Variants in MISP observed in about 807,000 individuals in gnomAD.
MISP encodes the protein mitotic spindle positioning.
In MISP, 51 loss-of-function variants were observed where a neutral mutation model predicts 49.3. That is an observed-to-expected ratio of 1.03 (90% CI 0.83 to 1.31). The LOEUF is 1.31. Ranked by LOEUF, MISP falls within the 50% of genes most tolerant of loss-of-function variation. The probability of loss-of-function intolerance (pLI) is 0.00; values close to 1 mark genes in which losing one functional copy is unlikely to be tolerated. For missense variants in MISP, 1,084 were observed against 935.1 expected (o/e 1.16, Z -2.08); for synonymous variants, 444 against 392.6 (o/e 1.13, Z -1.55).
At chr19:759,836 G>A in intron 2 of MISP, 73 bp from the exon 3 acceptor site, 1 of 1,567,960 alleles carries the variant, frequency 6.4e-7, no homozygotes, top group Non-Finnish European at 8.7e-7. Context: ...CTTAGCTGCT[G>A]GCTAGAGACT....
At chr19:762,370 A>G (rs1489716098) in intron 4 of MISP, among the ~76,000 whole-genome samples, 2 of 151,872 alleles carry the variant, frequency 1.3e-5, no homozygotes, top group Non-Finnish European at 2.9e-5. Flanking sequence ...CTCCTGCCTC[A>G]GCCTCCCAAG....
chr19:759,399 GTTT>G (rs35949810), intron 2 of MISP, among the ~76,000 whole-genome samples: 16 of 97,180 alleles, frequency 1.6e-4, no homozygotes, highest in African/African-American at 3.0e-4. Flanking sequence ...CACTTTTAAT[GTTT>G]TTTTTTTTTT....
rs1352512240 is a variant in MISP, at chr19:763,212, G to T, written c.1951-289G>T. On this transcript the variant is annotated intron_variant, in intron 4 of 4. Transcript: ENST00000215582. ...GAATGGTGTGAACCTGGGAGGCAGA[G>T]CTTGCAGTGAGCCAAGATCGCGCCA... Among the ~76,000 whole-genome samples, 3 of 152,216 alleles carry T rather than the reference G, an allele frequency of 2.0e-5. No individual in the cohort carries two copies. The East Asian group carries it at 5.8e-4, about 29-fold the overall frequency.
At chr19:755,995 A>C (rs1045104725) in intron 1 of MISP, among the ~76,000 whole-genome samples, 1 of 152,088 alleles carries the variant, frequency 6.6e-6, no homozygotes, top group Non-Finnish European at 1.5e-5. Context: ...CTGGGAGATA[A>C]GGTGGGCAGG....
chr19:758,783 G>T, intron 2 of MISP, 57 bp downstream of exon 2: 2 of 1,442,034 alleles, frequency 1.4e-6, no homozygotes, highest in Non-Finnish European at 1.9e-6. Context: ...GGTTGGAGCA[G>T]GGGAGGGTGG....
At chr19:761,993 G>A (rs936670102) in intron 4 of MISP, among the ~76,000 whole-genome samples, 1 of 152,048 alleles carries the variant, frequency 6.6e-6, no homozygotes, top group African/African-American at 2.4e-5. Context: ...TGTCGCCCAG[G>A]CTGGAGTGCA....
In MISP at chr19:757,702, G is replaced by A. The variant is rs2033584157; in HGVS notation, c.756G>A (p.Lys252=). ...GHVVPIKPQV[K]GVVREENKVR... is the part of the protein sequence containing the mutation. ...TGGTTCCCATCAAGCCCCAGGTGAAGGGGGTGGTCAGGGAAGAGAACAAGG... is the reference window on the plus strand; with the variant it reads ...TGGTTCCCATCAAGCCCCAGGTGAAAGGGGTGGTCAGGGAAGAGAACAAGG... Residue 252 remains lysine (K), a synonymous_variant, in exon 2 of 5, where the codon AAG becomes AAA. Transcript: ENST00000215582. 1 of 1,613,778 alleles carries A rather than the reference G, an allele frequency of 6.2e-7. No homozygotes were observed. The highest frequency in any genetic ancestry group is 1.1e-5 in the South Asian group (1 of 91,092).
At chr19:759,859 C>T in intron 2 of MISP, 50 bp from the exon 3 acceptor site, 1 of 1,607,424 alleles carries the variant, frequency 6.2e-7, no homozygotes, top group Non-Finnish European at 8.5e-7. Context: ...GTCTCCCGAG[C>T]AGAGGTCTGA....
In MISP at chr19:763,605, C is replaced by T. The variant is rs143490547; in HGVS notation, c.*15C>T. 32 of 1,586,928 alleles carry T rather than the reference C, an allele frequency of 2.0e-5. No individual in the cohort carries two copies. The highest frequency in any genetic ancestry group is 1.8e-4 in the Admixed American group (11 of 59,808). ...AGGATGACTGAGCCTCGGGATGGGGCGCCCACCCCCTGCCCTGCCCTGACC... is the reference window on the plus strand; with the variant it reads ...AGGATGACTGAGCCTCGGGATGGGGTGCCCACCCCCTGCCCTGCCCTGACC... On this transcript the variant is annotated 3_prime_UTR_variant, in exon 5 of 5. Transcript: ENST00000215582.
At chr19:750,802 G>C (rs2033449358), upstream of MISP, among the ~76,000 whole-genome samples, 1 of 152,182 alleles carries the variant, frequency 6.6e-6, no homozygotes, top group Non-Finnish European at 1.5e-5. Context: ...CTGAGCTGCT[G>C]TGTGGCCCTG....
chr19:762,899 T>A (rs940408095), intron 4 of MISP, among the ~76,000 whole-genome samples: 2 of 152,146 alleles, frequency 1.3e-5, no homozygotes, highest in African/African-American at 4.8e-5. Flanking sequence ...CTCGAATTCC[T>A]GCATTCAAGG....
In MISP at chr19:757,075, G is replaced by T. The variant is rs750284239; in HGVS notation, c.129G>T (p.Trp43Cys). ...GCATGGGCCCCGAGGCCAGCGGCTGGGGCCAGGATGAGCCGCAGACATGGC... is the reference window on the plus strand; with the variant it reads ...GCATGGGCCCCGAGGCCAGCGGCTGTGGCCAGGATGAGCCGCAGACATGGC... ...LVCMGPEASG[W>C]GQDEPQTWPT... is the part of the protein sequence containing the mutation. The change falls in exon 2 of 5, where the codon TGG (tryptophan) becomes TGT (cysteine). Residue 43 changes from tryptophan to cysteine, a missense_variant. By Grantham distance (215) the Trp-to-Cys change is radical (BLOSUM62 -2). Transcript: ENST00000215582. The T allele has an allele frequency of 9.3e-6, 15 of 1,612,508 alleles. No homozygotes were observed. The Admixed American group carries it at 2.5e-4, about 27-fold the overall frequency.
rs759447301 is a variant in MISP at position 758,168 on chromosome 19, G to A, written c.1222G>A (p.Ala408Thr). ...ILSPAPDARA[A>T]DPAPEVRKVN... The stretch of plus-strand genomic sequence containing the variant: ...CAGCCCGGCCCCAGATGCCCGTGCG[G>A]CCGACCCAGCTCCAGAAGTGAGGAA... The change falls in exon 2 of 5, where the codon GCC (alanine) becomes ACC (threonine). Residue 408 changes from alanine to threonine, a missense_variant. By Grantham distance (58) the Ala-to-Thr change is moderately conservative. Transcript: ENST00000215582. The A allele has an allele frequency of 3.8e-5, 61 of 1,612,448 alleles. 1 individual carries two copies. In the Admixed American group the frequency reaches 1.0e-3, roughly 27 times the overall value.
At chr19:753,152 T>A (rs1232799451) in intron 1 of MISP, among the ~76,000 whole-genome samples, 1 of 152,170 alleles carries the variant, frequency 6.6e-6, no homozygotes, top group Non-Finnish European at 1.5e-5. Context: ...AGGGGAGCCA[T>A]CTGTGCGTCA....
chr19:760,685 AAGAGAG>A (rs67394691), intron 3 of MISP, among the ~76,000 whole-genome samples: 1 of 149,520 alleles, frequency 6.7e-6, no homozygotes. Context: ...ACTTCTAAGA[AAGAGAG>A]AGAGAGAGAG....
At chr19:759,399 G>GTT (rs35949810) in intron 2 of MISP, among the ~76,000 whole-genome samples, 48 of 97,190 alleles carry the variant, frequency 4.9e-4, no homozygotes, top group Admixed American at 4.8e-3. Context: ...CACTTTTAAT[G>GTT]TTTTTTTTTT....
upstream of MISP, among the ~76,000 whole-genome samples, chr19:749,448 G>A (rs2033425418): frequency 6.6e-6 from 1 of 152,386 alleles, no homozygotes; most frequent in African/African-American, 2.4e-5. Flanking sequence ...GAGGCGCCGT[G>A]AGGCCGCGCA....
rs35949810 is a variant in MISP, at chr19:759,399, G to GT, written c.1781-492dup. On this transcript the variant is annotated intron_variant, in intron 2 of 4. Transcript: ENST00000215582. ...AAATATTCCTTGTGTCACTTTTAAT[G>GT]TTTTTTTTTTTTTTTTTTGAGATGG... Among the ~76,000 whole-genome samples the GT allele has an allele frequency of 1.8e-3, 177 of 97,158 alleles. 2 individuals are homozygous for GT. The highest frequency in any genetic ancestry group is 6.3e-3 in the Middle Eastern group (1 of 160). The allele number at this position is 97,158 out of a possible 152,430, so 63.7% of individuals were successfully genotyped here. A position where few individuals can be genotyped will look rare whatever the true frequency, so the allele number is the denominator to read the frequency against.
chr19:753,742 C>T (rs530129308), intron 1 of MISP, among the ~76,000 whole-genome samples: 5 of 150,030 alleles, frequency 3.3e-5, no homozygotes, highest in Non-Finnish European at 7.4e-5. Context: ...TAAATAATAG[C>T]CTTGGTGGCC....
Sources: allele counts gnomAD v4.1 joint callset (sites outside exome capture counted in the v4.1 genomes callset), GRCh38; gene constraint gnomAD v4.1.1; transcripts MANE v1.5; gene names NCBI Gene and HGNC (gene_info 2026-07-23, HGNC 2026-07-21).